Variants in TENM3 observed in about 807,000 individuals in gnomAD.
TENM3 encodes the protein teneurin transmembrane protein 3, also known as teneurin-3.
TENM3 carries 63 observed loss-of-function variants against 255.1 expected under a neutral mutation model. That is an observed-to-expected ratio of 0.25 (90% CI 0.20 to 0.30). TENM3 has a LOEUF of 0.30. TENM3 is among the 10% of genes least tolerant of loss of function. The pLI, the probability that TENM3 is intolerant of heterozygous loss-of-function variation, is 1.00. For missense variants in TENM3, 2,929 were observed against 3,461.1 expected, an observed-to-expected ratio of 0.85 and a Z score of 3.86; for synonymous variants, 1,306 against 1,322.3, an observed-to-expected ratio of 0.99 and a Z score of 0.27.
At chr4:182,646,562 T>G (rs1752762870) in intron 5 of TENM3, among the ~76,000 whole-genome samples, 1 of 151,986 alleles carries the variant, frequency 6.6e-6, no homozygotes, top group South Asian at 2.1e-4. Flanking sequence ...ACCAACATCA[T>G]GAAACCCCGT....
At chr4:182,566,586 C>T (rs1280437295) in intron 3 of TENM3, among the ~76,000 whole-genome samples, 1 of 152,216 alleles carries the variant, frequency 6.6e-6, no homozygotes, top group African/African-American at 2.4e-5. Flanking sequence ...TATTGTTTCT[C>T]TCTTCCAGCC....
At chr4:182,639,549 A>T (rs1653277304) in intron 5 of TENM3, among the ~76,000 whole-genome samples, 1 of 152,196 alleles carries the variant, frequency 6.6e-6, no homozygotes, top group Non-Finnish European at 1.5e-5. Context: ...CTTTAAAAGG[A>T]ACCATAATCT....
chr4:181,596,785 C>A, the TENM3 span, among the ~76,000 whole-genome samples: 2 of 152,074 alleles, frequency 1.3e-5, no homozygotes, highest in Non-Finnish European at 2.9e-5. Flanking sequence ...TTTGCAGGAA[C>A]ATGGATGGAG....
At chr4:182,161,723 A>G (rs1358916807) in intron 1 of TENM3, among the ~76,000 whole-genome samples, 3 of 122 alleles carry the variant, frequency 0.025, no homozygotes, top group East Asian at 0.5. Context: ...ATATATGTGT[A>G]TATATATATA....
the TENM3 span, among the ~76,000 whole-genome samples, chr4:181,677,907 C>T: frequency 6.6e-6 from 1 of 152,224 alleles, no homozygotes; most frequent in East Asian, 1.9e-4. Context: ...TTCTGCATGC[C>T]TCTGGTCTCC....
the TENM3 span, among the ~76,000 whole-genome samples, chr4:181,967,110 G>A: frequency 6.6e-6 from 1 of 152,058 alleles, no homozygotes; most frequent in Non-Finnish European, 1.5e-5. Context: ...TCCACTCCCT[G>A]CTTGTCTACT....
At chr4:182,765,087 C>T (rs1028834241) in intron 22 of TENM3, among the ~76,000 whole-genome samples, 2 of 151,706 alleles carry the variant, frequency 1.3e-5, no homozygotes, top group African/African-American at 2.4e-5. Flanking sequence ...AGTTCCGATT[C>T]GTAAATTATG....
intron 22 of TENM3, among the ~76,000 whole-genome samples, chr4:182,766,606 T>A (rs1209188609): frequency 6.6e-6 from 1 of 152,154 alleles, no homozygotes; most frequent in Non-Finnish European, 1.5e-5. Flanking sequence ...TTGAATTTGA[T>A]TCTTGAAGAA....
the TENM3 span, among the ~76,000 whole-genome samples, chr4:181,727,685 A>G: frequency 6.6e-6 from 1 of 152,224 alleles, no homozygotes; most frequent in Non-Finnish European, 1.5e-5. Flanking sequence ...TTCAAATATG[A>G]GCATTTGAGA....
the TENM3 span, among the ~76,000 whole-genome samples, chr4:181,853,367 A>T: frequency 1.3e-5 from 2 of 152,242 alleles, no homozygotes; most frequent in African/African-American, 4.8e-5. Context: ...AACTAGAATT[A>T]TTCATGAAAT....
the TENM3 span, among the ~76,000 whole-genome samples, chr4:181,664,294 AC>A: frequency 1.3e-5 from 2 of 151,722 alleles, no homozygotes; most frequent in Non-Finnish European, 1.5e-5. Flanking sequence ...ACATGGTGAA[AC>A]CCCGTCTCCA....
chr4:182,634,712 A>AG, intron 5 of TENM3, among the ~76,000 whole-genome samples: 1 of 149,480 alleles, frequency 6.7e-6, no homozygotes, highest in East Asian at 1.9e-4. Flanking sequence ...GAAATTAAAA[A>AG]AAAAAAAAAA....
the TENM3 span, among the ~76,000 whole-genome samples, chr4:181,635,251 C>A: frequency 6.6e-6 from 1 of 152,062 alleles, no homozygotes; most frequent in Non-Finnish European, 1.5e-5. Flanking sequence ...TAATATTGCA[C>A]CTTAATACTA....
the TENM3 span, among the ~76,000 whole-genome samples, chr4:181,598,909 G>T: frequency 6.6e-6 from 1 of 152,084 alleles, no homozygotes; most frequent in African/African-American, 2.4e-5. Context: ...TAATATTATA[G>T]CTCTGGTGAA....
At position 182,754,371 on chromosome 4, in the gene TENM3, C is replaced by T. The variant is rs576261848; in HGVS notation, c.4018-14C>T. ...CAGTAACTTACTAACCAGGCCATTT[C>T]TTTTTTTATTAAGGTACGTCTGGAA... On this transcript the variant is annotated splice_polypyrimidine_tract_variant and intron_variant, in intron 21 of 27. Coordinates refer to ENST00000511685, the MANE Select transcript of TENM3 (RefSeq NM_001080477.4). The surrounding 1 kb of genome is among the most constrained non-coding windows in gnomAD (Gnocchi z 5.1). The T allele has an allele frequency of 2.6e-6, 4 of 1,567,850 alleles. No homozygotes were observed. In the African/African-American group the frequency reaches 4.0e-5, roughly 16 times the overall value.
the TENM3 span, among the ~76,000 whole-genome samples, chr4:182,128,446 G>C: frequency 3.3e-5 from 5 of 152,146 alleles, no homozygotes; most frequent in African/African-American, 1.2e-4. Flanking sequence ...CCAAAGTGCT[G>C]GGATTACAAA....
chr4:182,633,641 C>T (rs1010701939), intron 5 of TENM3, among the ~76,000 whole-genome samples: 9 of 152,194 alleles, frequency 5.9e-5, no homozygotes, highest in Non-Finnish European at 8.8e-5. Flanking sequence ...CTTACTGTGC[C>T]GGGCGCTGTT....
rs1406422342 is a variant in TENM3, at chr4:182,357,568, GT to G, written c.511+10646del. Reference sequence around the variant, plus strand: ...CGCCCACTTTTTGATGGGGTTGTTTGTTTTTTTCTTGTGAATTTGTTTGAGT... The same window carrying G: ...CGCCCACTTTTTGATGGGGTTGTTTGTTTTTTCTTGTGAATTTGTTTGAGT... On this transcript the variant is annotated intron_variant, in intron 3 of 27. Transcript: ENST00000511685. Among the ~76,000 whole-genome samples the G allele has an allele frequency of 3.5e-3, 502 of 145,460 alleles. 1 individual carries two copies. Among genetic ancestry groups the G allele is most frequent in the Non-Finnish European group, 6.3e-3 (409 of 65,404 alleles).
At chr4:181,869,749 C>T in the TENM3 span, among the ~76,000 whole-genome samples, 2 of 152,062 alleles carry the variant, frequency 1.3e-5, no homozygotes, top group Non-Finnish European at 2.9e-5. Context: ...AAAAAAGGGA[C>T]AACCTAGTCA....
Sources: gnomAD v4.1 joint callset for allele counts (sites outside exome capture counted in the v4.1 genomes callset) on GRCh38, gnomAD v4.1.1 for gene constraint, Gnocchi (gnomAD v3.1) non-coding constraint, MANE v1.5 for transcripts, NCBI Gene and HGNC (gene_info 2026-07-23, HGNC 2026-07-21) for gene names.